AFAP1: variants seen among roughly 807,000 people sequenced by gnomAD.
AFAP1 encodes the protein actin filament associated protein 1, also known as actin filament-associated protein 1.
A neutral mutation model predicts 93.9 loss-of-function variants in AFAP1; 75 were observed. The observed-to-expected ratio is 0.80, with a 90% CI of 0.66 to 0.97. The LOEUF is 0.97. Ranked by LOEUF, AFAP1 falls within the 50% of genes least tolerant of loss-of-function variation. The pLI is 0.00. For missense variants in AFAP1, 1,201 were observed against 1,050.8 expected, an observed-to-expected ratio of 1.14 and a Z score of -1.98; for synonymous variants, 517 against 430.7, an observed-to-expected ratio of 1.20 and a Z score of -2.48.
At chr4:7,888,262 C>T (rs1035950834) in intron 1 of AFAP1, among the ~76,000 whole-genome samples, 7 of 152,190 alleles carry the variant, frequency 4.6e-5, no homozygotes, top group Non-Finnish European at 8.8e-5. Flanking sequence ...CACCTAAACG[C>T]ACCAAAACAC....
intron 2 of AFAP1, among the ~76,000 whole-genome samples, chr4:7,871,284 T>C (rs562936240): frequency 2.0e-5 from 3 of 152,324 alleles, no homozygotes; most frequent in South Asian, 2.1e-4. Context: ...TCAGAAGTGA[T>C]CCCACCATTC....
At chr4:7,802,321 G>T (rs1180578615) in intron 9 of AFAP1, among the ~76,000 whole-genome samples, 1 of 152,240 alleles carries the variant, frequency 6.6e-6, no homozygotes, top group African/African-American at 2.4e-5. Context: ...CCGCCCTCTT[G>T]TGTTCAGAGA....
intron 6 of AFAP1, among the ~76,000 whole-genome samples, chr4:7,832,509 GT>G (rs1209934168): frequency 6.6e-5 from 10 of 151,962 alleles, no homozygotes; most frequent in Admixed American, 2.0e-4. Context: ...GTTCTACCAG[GT>G]TTTCCCACCC....
rs573125413 is a variant in AFAP1 at position 7,889,250 on chromosome 4, G to T, written c.-2-17170C>A. Among the ~76,000 whole-genome samples the T allele has an allele frequency of 3.3e-5, 5 of 152,000 alleles. No individual in the cohort carries two copies. The South Asian group carries it at 1.0e-3, about 32-fold the overall frequency. Reference sequence around the variant, plus strand: ...GCAGATACTAAAATGAGGAATACAGGGGGGTTGTTTTCTAGTAAATCTAAT... The same window carrying T: ...GCAGATACTAAAATGAGGAATACAGTGGGGTTGTTTTCTAGTAAATCTAAT... On this transcript the variant is annotated intron_variant, in intron 1 of 17. Transcript: ENST00000420658.
At chr4:7,800,692 A>G in intron 9 of AFAP1, 39 bp from the exon 10 acceptor site, 2 of 1,609,396 alleles carry the variant, frequency 1.2e-6, no homozygotes, top group South Asian at 2.2e-5. Context: ...CGCCTCGGAC[A>G]AGACCAGGCG....
chr4:7,902,404 C>G (rs1719167374), intron 1 of AFAP1, among the ~76,000 whole-genome samples: 1 of 152,190 alleles, frequency 6.6e-6, no homozygotes, highest in Non-Finnish European at 1.5e-5. Context: ...TATCAGCCCA[C>G]AATGGCTGCT....
chr4:7,763,935 C>T (rs1714171946), intron 17 of AFAP1, 144 bp from the exon 18 acceptor site: 2 of 746,322 alleles, frequency 2.7e-6, no homozygotes, highest in Non-Finnish European at 2.3e-6. Context: ...AATGACCCGG[C>T]AATTCCACTG....
At chr4:7,825,641 C>A (rs1451579789) in intron 6 of AFAP1, among the ~76,000 whole-genome samples, 6 of 151,518 alleles carry the variant, frequency 4.0e-5, no homozygotes, top group Admixed American at 6.6e-5. Flanking sequence ...GGAAAAAAGG[C>A]TAAAAACTCA....
At chr4:7,808,070 T>C (rs1045561791) in intron 9 of AFAP1, among the ~76,000 whole-genome samples, 1 of 152,124 alleles carries the variant, frequency 6.6e-6, no homozygotes, top group Non-Finnish European at 1.5e-5. Flanking sequence ...GGGTGCTCAA[T>C]AAGGGGTGGG....
intron 6 of AFAP1, among the ~76,000 whole-genome samples, chr4:7,833,801 G>C (rs941068635): frequency 1.3e-4 from 19 of 151,896 alleles, no homozygotes; most frequent in Non-Finnish European, 2.6e-4. Flanking sequence ...TGTTATCCAG[G>C]ATAGTCCCGA....
intron 4 of AFAP1, among the ~76,000 whole-genome samples, chr4:7,852,460 C>T (rs894828620): frequency 5.3e-5 from 8 of 152,066 alleles, no homozygotes; most frequent in African/African-American, 1.9e-4. Context: ...GAAGCCACTA[C>T]CCCACAGTGG....
chr4:7,764,844 G>A (rs766008164), intron 17 of AFAP1, among the ~76,000 whole-genome samples: 3 of 152,346 alleles, frequency 2.0e-5, no homozygotes, highest in Admixed American at 1.3e-4. Context: ...GCTCATGCCT[G>A]GAATCCCAGC....
At chr4:7,828,726 T>C (rs1721645325) in intron 6 of AFAP1, among the ~76,000 whole-genome samples, 1 of 152,140 alleles carries the variant, frequency 6.6e-6, no homozygotes, top group African/African-American at 2.4e-5. Flanking sequence ...CAGATACCAT[T>C]ATTATACCCA....
At chr4:7,818,575 C>T (rs1459492361) in intron 7 of AFAP1, among the ~76,000 whole-genome samples, 1 of 152,178 alleles carries the variant, frequency 6.6e-6, no homozygotes, top group Non-Finnish European at 1.5e-5. Context: ...TGCGGCGTCA[C>T]AGTGATGGGC....
intron 1 of AFAP1, among the ~76,000 whole-genome samples, chr4:7,890,642 G>A (rs1337538150): frequency 1.3e-5 from 2 of 152,016 alleles, no homozygotes; most frequent in Admixed American, 1.3e-4. Flanking sequence ...TAAAAAATGG[G>A]CAAAGTGGTT....
chr4:7,864,766 T>C (rs1052046897), intron 3 of AFAP1, among the ~76,000 whole-genome samples: 1 of 152,092 alleles, frequency 6.6e-6, no homozygotes, highest in South Asian at 2.1e-4. Context: ...ATGAAAAAAA[T>C]GAGTGCCAAA....
intron 6 of AFAP1, among the ~76,000 whole-genome samples, chr4:7,819,409 C>G (rs1274097854): frequency 6.6e-6 from 1 of 152,222 alleles, no homozygotes; most frequent in Non-Finnish European, 1.5e-5. Flanking sequence ...AACTACGTTT[C>G]CTGCTGGCAT....
chr4:7,783,933 G>C (rs964553151), intron 12 of AFAP1, among the ~76,000 whole-genome samples: 1 of 152,184 alleles, frequency 6.6e-6, no homozygotes, highest in Non-Finnish European at 1.5e-5. Flanking sequence ...AGATGAGTGT[G>C]GTAACTGGAG....
intron 1 of AFAP1, chr4:7,938,908 GC>G (rs1721550056): frequency 6.6e-6 from 1 of 152,054 alleles, no homozygotes; most frequent in Admixed American, 6.5e-5. Flanking sequence ...GGACGGTGCG[GC>G]CGCTGCGCGA....
Sources: allele counts gnomAD v4.1 joint callset (sites outside exome capture counted in the v4.1 genomes callset), GRCh38; gene constraint gnomAD v4.1.1; transcripts MANE v1.5; gene names NCBI Gene and HGNC (gene_info 2026-07-23, HGNC 2026-07-21).